SCML2: variants seen among roughly 807,000 people sequenced by gnomAD.
SCML2 encodes sex comb on midleg-like protein 2.
A neutral mutation model predicts 48.4 loss-of-function variants in SCML2; 6 were observed. The observed-to-expected ratio is 0.12, with a 90% CI of 0.07 to 0.24. The LOEUF is 0.24. Among genes scored for constraint, SCML2 ranks in the 10% least tolerant of loss-of-function variants. The pLI is 1.00. For missense variants in SCML2, 377 were observed against 528.2 expected (o/e 0.71, Z 2.81); for synonymous variants, 181 against 189.5 (o/e 0.95, Z 0.37).
At chrX:18,297,590 T>C (rs750899863) in intron 7 of SCML2, among the ~76,000 whole-genome samples, 1 of 111,880 alleles carries the variant, frequency 8.9e-6, no homozygotes, top group East Asian at 2.8e-4. Context: ...TTCAGTACAG[T>C]TGCAAGATAC....
chrX:18,264,856 G>C (rs1569142222), intron 8 of SCML2, among the ~76,000 whole-genome samples: 3 of 111,534 alleles, frequency 2.7e-5, no homozygotes, highest in African/African-American at 9.8e-5. Context: ...GGGTCTGTCA[G>C]AGACGTTGGT....
intron 7 of SCML2, among the ~76,000 whole-genome samples, chrX:18,268,111 C>A (rs1158950476): frequency 8.9e-6 from 1 of 112,343 alleles, no homozygotes; most frequent in Non-Finnish European, 1.9e-5. Context: ...AGTATGTTTC[C>A]ATGGTAGAAG....
chrX:18,330,318 A>G (rs986550265), intron 3 of SCML2, among the ~76,000 whole-genome samples: 7 of 112,209 alleles, frequency 6.2e-5, no homozygotes, highest in Admixed American at 2.8e-4. Flanking sequence ...CATGGCAATT[A>G]ATAACTAGAT....
intron 5 of SCML2, among the ~76,000 whole-genome samples, chrX:18,323,647 ACTT>A (rs1929389716): frequency 9.0e-6 from 1 of 111,355 alleles, no homozygotes; most frequent in African/African-American, 3.3e-5. Context: ...AGTGGAGAAA[ACTT>A]CTACACACAT....
At chrX:18,354,532 CG>C in intron 1 of SCML2, 59 bp downstream of exon 1, 1 of 242,855 alleles carries the variant, frequency 4.1e-6, no homozygotes, top group Non-Finnish European at 7.4e-6. Flanking sequence ...GGACAACGGT[CG>C]GGGTCCGGGA....
intron 10 of SCML2, among the ~76,000 whole-genome samples, chrX:18,257,770 C>T (rs1926901730): frequency 9.3e-6 from 1 of 107,620 alleles, no homozygotes; most frequent in Non-Finnish European, 1.9e-5. Flanking sequence ...TGCCTATAAT[C>T]CCAGCTACTC....
At chrX:18,334,681 C>G (rs960304028) in intron 1 of SCML2, among the ~76,000 whole-genome samples, 1 of 111,839 alleles carries the variant, frequency 8.9e-6, no homozygotes, top group African/African-American at 3.2e-5. Context: ...CCTCAATATG[C>G]CAGACATTCT....
At chrX:18,308,259 C>CA (rs748211168) in intron 6 of SCML2, among the ~76,000 whole-genome samples, 532 of 34,759 alleles carry the variant, frequency 0.015, no homozygotes, top group Non-Finnish European at 0.017. Context: ...GATGCTATCT[C>CA]AAAAAAAAAA....
chrX:18,290,256 G>T (rs1928188152), intron 7 of SCML2, among the ~76,000 whole-genome samples: 1 of 111,975 alleles, frequency 8.9e-6, no homozygotes, highest in Admixed American at 9.5e-5. Context: ...TAGGGGGACA[G>T]AAGACCCAAT....
At chrX:18,256,702 T>C in intron 11 of SCML2, 146 bp downstream of exon 11, 1 of 421,255 alleles carries the variant, frequency 2.4e-6, no homozygotes, top group Non-Finnish European at 3.8e-6. Flanking sequence ...CTTTCCTATT[T>C]TGAATGAACA....
At chrX:18,307,126 T>C (rs1039325991) in intron 6 of SCML2, among the ~76,000 whole-genome samples, 1 of 110,485 alleles carries the variant, frequency 9.1e-6, no homozygotes, top group African/African-American at 3.3e-5. Flanking sequence ...CTGCAAAAAA[T>C]ACAAAAATTA....
intron 2 of SCML2, 47 bp downstream of exon 2, chrX:18,334,003 C>T: frequency 8.9e-7 from 1 of 1,118,580 alleles, no homozygotes; most frequent in Non-Finnish European, 1.2e-6. Flanking sequence ...ATATTCATTC[C>T]AAATGAGTAA....
intron 11 of SCML2, among the ~76,000 whole-genome samples, chrX:18,256,119 T>C (rs1425929311): frequency 9.0e-6 from 1 of 111,478 alleles, no homozygotes; most frequent in Non-Finnish European, 1.9e-5. Context: ...TTGGGGTTCT[T>C]ATGGAAGAGA....
At chrX:18,350,990 C>T (rs932207143) in intron 1 of SCML2, among the ~76,000 whole-genome samples, 2 of 110,836 alleles carry the variant, frequency 1.8e-5, no homozygotes, top group African/African-American at 6.6e-5. Flanking sequence ...CCAACACGGC[C>T]GGGCGTGGTG....
chrX:18,321,302 C>T (rs1250709394), intron 5 of SCML2, among the ~76,000 whole-genome samples: 1 of 111,311 alleles, frequency 9.0e-6, no homozygotes, highest in Non-Finnish European at 1.9e-5. Context: ...AATGGCTTCA[C>T]AGCATCTGGC....
At chrX:18,257,851 G>A (rs1926904867) in intron 10 of SCML2, among the ~76,000 whole-genome samples, 193 bp downstream of exon 10, 2 of 97,714 alleles carry the variant, frequency 2.0e-5, no homozygotes, top group South Asian at 1.1e-3. Flanking sequence ...TCACACCACT[G>A]CACTCCAGCC....
chrX:18,264,054 A>ATC (rs1785961605), intron 8 of SCML2, among the ~76,000 whole-genome samples: 1 of 109,968 alleles, frequency 9.1e-6, no homozygotes, highest in African/African-American at 3.3e-5. Flanking sequence ...TTGGCTGAGT[A>ATC]TTGTGTCTAT....
chrX:18,350,033 C>G (rs1930323444), intron 1 of SCML2, among the ~76,000 whole-genome samples: 1 of 112,104 alleles, frequency 8.9e-6, no homozygotes, highest in Non-Finnish European at 1.9e-5. Flanking sequence ...GAAGCCAAGG[C>G]AGGAGGATCA....
chrX:18,300,271 G>T (rs1260338506), intron 7 of SCML2, among the ~76,000 whole-genome samples: 1 of 107,670 alleles, frequency 9.3e-6, no homozygotes. Flanking sequence ...GTGATGGTGC[G>T]CACCTGTAGT....
Sources: gnomAD v4.1 joint callset for allele counts (sites outside exome capture counted in the v4.1 genomes callset) on GRCh38, gnomAD v4.1.1 for gene constraint, MANE v1.5 for transcripts, NCBI Gene and HGNC (gene_info 2026-07-23, HGNC 2026-07-21) for gene names.